Variants in COL27A1 observed in about 807,000 individuals in gnomAD.
COL27A1 encodes the protein collagen alpha-1(XXVII) chain.
Under a neutral mutation model 251.3 loss-of-function variants are expected in COL27A1, and 106 were observed. The ratio of observed to expected loss-of-function variants is 0.42; its 90% CI spans 0.36 to 0.50. The LOEUF (loss-of-function observed/expected upper bound fraction) is 0.50, where lower values mean the gene tolerates loss of function less well. Among genes scored for constraint, COL27A1 ranks in the 20% least tolerant of loss-of-function variants. The pLI, the probability that COL27A1 is intolerant of heterozygous loss-of-function variation, is 0.00. For synonymous variants in COL27A1, 1,000 were observed against 986.3 expected (o/e 1.01, Z -0.26); for missense variants, 2,325 against 2,522.8 (o/e 0.92, Z 1.68).
chr9:114,243,085 G>A (rs192613798), intron 22 of COL27A1, among the ~76,000 whole-genome samples: 1 of 152,338 alleles, frequency 6.6e-6, no homozygotes, highest in East Asian at 1.9e-4. Flanking sequence ...TGACATCTTA[G>A]TGTTATCATG....
chr9:114,264,801 G>A, intron 29 of COL27A1, 123 bp from the exon 30 acceptor site: 1 of 1,040,322 alleles, frequency 9.6e-7, no homozygotes, highest in East Asian at 2.5e-5. Flanking sequence ...CTGCACCATG[G>A]AAAGGGGGCA....
At chr9:114,247,000 A>G (rs537865601) in intron 24 of COL27A1, among the ~76,000 whole-genome samples, 9 of 152,296 alleles carry the variant, frequency 5.9e-5, no homozygotes, top group African/African-American at 1.9e-4. Context: ...CACTGTATCT[A>G]AGAGCCCTAA....
intron 40 of COL27A1, 120 bp from the exon 41 acceptor site, chr9:114,284,604 C>A: frequency 1.0e-6 from 1 of 989,610 alleles, no homozygotes; most frequent in Non-Finnish European, 1.6e-6. Context: ...CAGAGCCACA[C>A]AGCCAGCTGG....
chr9:114,255,269 C>T (rs1295836082), intron 27 of COL27A1, among the ~76,000 whole-genome samples: 3 of 152,184 alleles, frequency 2.0e-5, no homozygotes, highest in Admixed American at 6.5e-5. Flanking sequence ...CTGGCCGAGG[C>T]ACCCAGCTTG....
At chr9:114,173,076 C>T (rs1849432226) in intron 3 of COL27A1, among the ~76,000 whole-genome samples, 1 of 152,240 alleles carries the variant, frequency 6.6e-6, no homozygotes, top group African/African-American at 2.4e-5. Context: ...GGAGTTGTAG[C>T]TGCTGAGTGA....
chr9:114,295,595 C>T (rs1564582016), intron 49 of COL27A1, among the ~76,000 whole-genome samples: 1 of 152,156 alleles, frequency 6.6e-6, no homozygotes. Flanking sequence ...ACTAACAGAT[C>T]AAAGGAACAG....
chr9:114,174,238 A>G (rs1849529882), intron 3 of COL27A1, among the ~76,000 whole-genome samples: 1 of 152,028 alleles, frequency 6.6e-6, no homozygotes, highest in Admixed American at 6.5e-5. Flanking sequence ...CTCACTGGGG[A>G]GAGTTAAAGG....
chr9:114,249,711 T>G (rs1323092418), intron 24 of COL27A1, among the ~76,000 whole-genome samples: 2 of 152,242 alleles, frequency 1.3e-5, no homozygotes, highest in African/African-American at 4.8e-5. Flanking sequence ...GGTCTCATTT[T>G]ACTCTGGCCA....
intron 51 of COL27A1, 107 bp downstream of exon 51, chr9:114,300,794 G>A (rs1828564621): frequency 5.3e-6 from 5 of 950,188 alleles, no homozygotes; most frequent in South Asian, 1.8e-5. Flanking sequence ...TGACTCATGA[G>A]CCCTTTCTGC....
intron 36 of COL27A1, among the ~76,000 whole-genome samples, 179 bp from the exon 37 acceptor site, chr9:114,275,482 C>G (rs1041773456): frequency 2.0e-5 from 3 of 152,186 alleles, no homozygotes; most frequent in African/African-American, 7.2e-5. Context: ...TAGAGCTACA[C>G]TGGGCTTGGC....
In COL27A1 at chr9:114,279,346, A is replaced by G. The variant is rs557258320; in HGVS notation, c.3718-2931A>G. 7.9e-5 allele frequency among the ~76,000 whole-genome samples: 12 copies of G among 152,316 alleles called. No individual in the cohort carries two copies. In the South Asian group the frequency reaches 2.5e-3, roughly 32 times the overall value. ...CCAAACACTGGCGAGAATTGAACAA[A>G]CATTTATGTGGAATGAGAACACAGC... On this transcript the variant is annotated intron_variant, in intron 37 of 60. Coordinates refer to ENST00000356083, the MANE Select transcript of COL27A1 (RefSeq NM_032888.4).
intron 37 of COL27A1, 142 bp downstream of exon 37, chr9:114,275,910 G>A (rs1359911966): frequency 5.0e-6 from 3 of 600,608 alleles, no homozygotes; most frequent in Non-Finnish European, 8.8e-6. Flanking sequence ...CTGGCAGTTT[G>A]CCAGAGAACC....
intron 1 of COL27A1, among the ~76,000 whole-genome samples, chr9:114,160,434 T>C (rs1013915124): frequency 4.6e-5 from 7 of 151,994 alleles, no homozygotes; most frequent in Non-Finnish European, 1.5e-5. Flanking sequence ...GGATTACAGG[T>C]GTGAGCCACC....
At chr9:114,166,253 ATC>A (rs1848843405) in intron 2 of COL27A1, among the ~76,000 whole-genome samples, 1 of 143,154 alleles carries the variant, frequency 7.0e-6, no homozygotes. Context: ...CCATCCATCC[ATC>A]TGTCCATCCA....
Position 114,168,390 on chromosome 9 carries a change from C to T in COL27A1, c.835C>T (p.Leu279=), listed in dbSNP as rs1023942074. ...GAACTTGACCACTGCCACACCAGCC[C>T]TGGGGTCACTGCCAGCAGGCAGGGG... ...LENLTTATPA[L]GSLPAGRGPR... is the part of the protein sequence containing the mutation. Residue 279 remains leucine (L), a synonymous_variant, in exon 3 of 61, where the codon CTG becomes TTG. Coordinates refer to ENST00000356083, the MANE Select transcript of COL27A1 (RefSeq NM_032888.4). 1.2e-6 allele frequency: 2 copies of T among 1,613,380 alleles called. No individual in the cohort carries two copies. Among genetic ancestry groups the T allele is most frequent in the African/African-American group, 2.7e-5 (2 of 74,902 alleles).
chr9:114,252,659 T>A lies in COL27A1; in HGVS notation c.3087+13T>A, dbSNP rs1370989401. The A allele has an allele frequency of 6.2e-7, 1 of 1,612,210 alleles. No individual in the cohort carries two copies. The highest frequency in any genetic ancestry group is 8.5e-7 in the Non-Finnish European group (1 of 1,178,518). ...CAAGGGGTCGATGGTAAGGAGTAAG[T>A]CTGCATCCTCTTGCCCTCTCCTGTT... is the stretch of plus-strand genomic sequence containing the variant. On this transcript the variant is annotated intron_variant, in intron 26 of 60. Coordinates refer to ENST00000356083, the MANE Select transcript of COL27A1 (RefSeq NM_032888.4).
chr9:114,274,967 T>C (rs1242009726), intron 36 of COL27A1, among the ~76,000 whole-genome samples: 4 of 151,780 alleles, frequency 2.6e-5, no homozygotes, highest in Non-Finnish European at 5.9e-5. Context: ...AGCTCATACC[T>C]GTAATCCCAG....
chr9:114,158,888 T>A (rs953247181), intron 1 of COL27A1, among the ~76,000 whole-genome samples: 2 of 152,248 alleles, frequency 1.3e-5, no homozygotes, highest in Non-Finnish European at 2.9e-5. Flanking sequence ...AAAAGGACTA[T>A]CTGTTAAGTC....
intron 14 of COL27A1, among the ~76,000 whole-genome samples, chr9:114,225,769 T>C (rs1470981819): frequency 6.6e-6 from 1 of 152,202 alleles, no homozygotes; most frequent in Non-Finnish European, 1.5e-5. Flanking sequence ...GTTGAAGCAA[T>C]TTGCATGCAG....
Sources: allele counts gnomAD v4.1 joint callset (sites outside exome capture counted in the v4.1 genomes callset), GRCh38; gene constraint gnomAD v4.1.1; transcripts MANE v1.5; gene names NCBI Gene and HGNC (gene_info 2026-07-23, HGNC 2026-07-21).